Variants in ACACA observed in about 807,000 individuals in gnomAD.
ACACA encodes the protein acetyl-CoA carboxylase alpha.
ACACA carries 103 observed loss-of-function variants against 296.1 expected under a neutral mutation model. The ratio of observed to expected loss-of-function variants is 0.35; its 90% CI spans 0.30 to 0.41. ACACA has a LOEUF of 0.41. Among genes scored for constraint, ACACA ranks in the 10% least tolerant of loss-of-function variants. The pLI is 1.00. For synonymous variants in ACACA, 953 were observed against 1,038.6 expected (o/e 0.92, Z 1.58); for missense variants, 1,554 against 2,989.7 (o/e 0.52, Z 11.20).
At chr17:37,304,130 G>T (rs1660923959) in intron 3 of ACACA, among the ~76,000 whole-genome samples, 2 of 152,092 alleles carry the variant, frequency 1.3e-5, no homozygotes, top group South Asian at 4.2e-4. Context: ...TTTGCCATAG[G>T]TATATCCTCT....
intron 52 of ACACA, among the ~76,000 whole-genome samples, chr17:37,108,326 G>A (rs59641255): frequency 1.8e-3 from 277 of 151,976 alleles, no homozygotes; most frequent in African/African-American, 6.3e-3. Context: ...AATTCTAGAA[G>A]AGATGAAGTT....
chr17:37,233,766 T>A (rs2079976074), intron 25 of ACACA, among the ~76,000 whole-genome samples: 1 of 152,246 alleles, frequency 6.6e-6, no homozygotes, highest in Non-Finnish European at 1.5e-5. Flanking sequence ...ATAGATTGTA[T>A]CATTTCTTAG....
At chr17:37,244,550 C>A (rs755387819) in intron 21 of ACACA, 38 bp downstream of exon 21, 1 of 1,610,440 alleles carries the variant, frequency 6.2e-7, no homozygotes, top group Admixed American at 1.7e-5. Flanking sequence ...ATAGGTATCC[C>A]ATTTGTACAT....
At position 37,274,114 on chromosome 17, in the gene ACACA, G is replaced by C. The variant is rs188687559; in HGVS notation, c.1008+79C>G. 4 of 1,253,820 alleles carry C rather than the reference G, an allele frequency of 3.2e-6. No individual in the cohort carries two copies. In the Admixed American group the frequency reaches 6.7e-5, roughly 21 times the overall value. The allele number at this position is 1,253,820 out of a possible 1,614,324, so 77.7% of individuals were successfully genotyped here. On this transcript the variant is annotated intron_variant, in intron 9 of 55. Coordinates refer to ENST00000616317, the MANE Select transcript of ACACA (RefSeq NM_198834.3). ...TAACACCACCTTGGGTATATATCAC[G>C]AGCCAGGCTCCCAATCTCCACATTT...
intron 1 of ACACA, among the ~76,000 whole-genome samples, chr17:37,371,028 T>A (rs1040118668): frequency 1.3e-5 from 2 of 152,034 alleles, no homozygotes; most frequent in Admixed American, 1.3e-4. Context: ...TATATAACAT[T>A]CAAAAGTAAA....
At chr17:37,345,945 G>A (rs2048593287) in intron 1 of ACACA, among the ~76,000 whole-genome samples, 1 of 152,128 alleles carries the variant, frequency 6.6e-6, no homozygotes, top group South Asian at 2.1e-4. Context: ...CAGCATGGTG[G>A]CTCATGCCTG....
In ACACA at chr17:37,263,811, C is replaced by T. The variant is rs1056820201; in HGVS notation, c.1203G>A (p.Ala401=). ...AAGAGATAGCATTGCCATATTGGTC[C>T]GCTAAGATCTGCACCTCCAGATGAC... ...QSRHLEVQIL[A]DQYGNAISLF... Residue 401 remains alanine (A), a synonymous_variant, in exon 11 of 56, where the codon GCG becomes GCA. Coordinates refer to ENST00000616317, the MANE Select transcript of ACACA (RefSeq NM_198834.3). 3 of 1,613,874 alleles carry T rather than the reference C, an allele frequency of 1.9e-6. No individual in the cohort carries two copies. Among genetic ancestry groups the T allele is most frequent in the Non-Finnish European group, 2.5e-6 (3 of 1,179,986 alleles).
chr17:37,202,109 G>A (rs1303697406), intron 33 of ACACA, among the ~76,000 whole-genome samples: 1 of 152,114 alleles, frequency 6.6e-6, no homozygotes. Flanking sequence ...TGTGTCGAAG[G>A]AAAGGAGGGG....
chr17:37,359,708 T>C (rs1261077859), intron 1 of ACACA, among the ~76,000 whole-genome samples: 1 of 152,064 alleles, frequency 6.6e-6, no homozygotes, highest in Non-Finnish European at 1.5e-5. Flanking sequence ...TCCTAACACA[T>C]TAACAAGGGG....
intron 1 of ACACA, among the ~76,000 whole-genome samples, chr17:37,371,034 G>A (rs1381228999): frequency 6.6e-6 from 1 of 151,530 alleles, no homozygotes; most frequent in African/African-American, 2.4e-5. Flanking sequence ...ACATTCAAAA[G>A]TAAACAAAAT....
intron 5 of ACACA, among the ~76,000 whole-genome samples, chr17:37,280,358 GCCT>G (rs1298687380): frequency 1.3e-5 from 2 of 151,992 alleles, no homozygotes; most frequent in African/African-American, 4.8e-5. Flanking sequence ...ACCGGCATGC[GCCT>G]CTATGCCCAG....
intron 41 of ACACA, among the ~76,000 whole-genome samples, chr17:37,166,210 T>C (rs1014014245): frequency 6.6e-6 from 1 of 152,088 alleles, no homozygotes; most frequent in African/African-American, 2.4e-5. Context: ...TACAGCTCAC[T>C]GAAGCCTTGG....
chr17:37,286,753 T>C (rs1317960938), intron 3 of ACACA, among the ~76,000 whole-genome samples: 4 of 152,206 alleles, frequency 2.6e-5, no homozygotes, highest in Admixed American at 6.5e-5. Flanking sequence ...CCTGGGCCTA[T>C]CAATCACCTG....
chr17:37,299,486 A>T, intron 3 of ACACA: 2 of 1,502,132 alleles, frequency 1.3e-6, no homozygotes, highest in Non-Finnish European at 1.8e-6. Context: ...AATACTCCTG[A>T]TGGCCTCAAA....
At chr17:37,275,061 T>C (rs2082220286) in intron 8 of ACACA, among the ~76,000 whole-genome samples, 1 of 152,072 alleles carries the variant, frequency 6.6e-6, no homozygotes, top group East Asian at 1.9e-4. Flanking sequence ...TGAGAATAAA[T>C]CACTTTTTGA....
rs925729771 is a variant in ACACA, at chr17:37,097,545, A to G, written c.6720+285T>C. 5.3e-5 allele frequency among the ~76,000 whole-genome samples: 8 copies of G among 152,178 alleles called. No individual in the cohort carries two copies. The South Asian group carries it at 1.7e-3, about 31-fold the overall frequency. On this transcript the variant is annotated intron_variant, in intron 53 of 55. Transcript: ENST00000616317. The surrounding 1 kb of genome is among the most constrained non-coding windows in gnomAD (Gnocchi z 4.8). The stretch of plus-strand genomic sequence containing the variant: ...GAGCCTTGACCCTATAGTAACCCAC[A>G]TCCTGAGGACCCGTCACCAATGAAG...
rs965955998 is a variant in ACACA, at chr17:37,312,948, A to G, written c.338+17225T>C. Among the ~76,000 whole-genome samples the G allele has an allele frequency of 4.3e-4, 65 of 152,178 alleles. 1 individual carries two copies. Among genetic ancestry groups the G allele is most frequent in the African/African-American group, 1.5e-3 (64 of 41,444 alleles). On this transcript the variant is annotated intron_variant, in intron 3 of 55. Coordinates refer to ENST00000616317, the MANE Select transcript of ACACA (RefSeq NM_198834.3). ...TGACACAATTAGTGGGTCATGATAC[A>G]TTTGGCAGATCAGGATATCCTGGAA...
At chr17:37,361,439 C>T (rs2147609113) in intron 1 of ACACA, among the ~76,000 whole-genome samples, 1 of 152,150 alleles carries the variant, frequency 6.6e-6, no homozygotes, top group African/African-American at 2.4e-5. Context: ...CAGCCAGCCC[C>T]TGCATGTCCT....
intron 41 of ACACA, among the ~76,000 whole-genome samples, chr17:37,177,269 C>CGCGTGT (rs2077153681): frequency 6.8e-6 from 1 of 146,426 alleles, no homozygotes; most frequent in South Asian, 2.2e-4. Flanking sequence ...TTAAAAAATT[C>CGCGTGT]GTGTGTGTGT....
Sources: gnomAD v4.1 joint callset for allele counts (sites outside exome capture counted in the v4.1 genomes callset) on GRCh38, gnomAD v4.1.1 for gene constraint, Gnocchi (gnomAD v3.1) non-coding constraint, MANE v1.5 for transcripts, NCBI Gene and HGNC (gene_info 2026-07-23, HGNC 2026-07-21) for gene names.